PPP2R2B: variants seen among roughly 807,000 people sequenced by gnomAD.
PPP2R2B encodes serine/threonine-protein phosphatase 2A 55 kDa regulatory subunit B beta isoform.
PPP2R2B carries 5 observed loss-of-function variants against 46.0 expected under a neutral mutation model. That is an observed-to-expected ratio of 0.11 (90% CI 0.06 to 0.23). The LOEUF (loss-of-function observed/expected upper bound fraction) is 0.23, where lower values mean the gene tolerates loss of function less well. Ranked by LOEUF, PPP2R2B falls within the 10% of genes least tolerant of loss-of-function variation. The probability of loss-of-function intolerance (pLI) is 1.00; values close to 1 mark genes in which losing one functional copy is unlikely to be tolerated. For missense variants in PPP2R2B, 367 were observed against 575.0 expected, an observed-to-expected ratio of 0.64 and a Z score of 3.70; for synonymous variants, 215 against 206.7, an observed-to-expected ratio of 1.04 and a Z score of -0.34.
At chr5:146,903,755 A>G (rs1353715008) in intron 1 of PPP2R2B, among the ~76,000 whole-genome samples, 1 of 152,130 alleles carries the variant, frequency 6.6e-6, no homozygotes, top group African/African-American at 2.4e-5. Context: ...ATTGACCTGG[A>G]GTTCAAATCC....
At chr5:146,806,010 A>C (rs1397516376) in intron 2 of PPP2R2B, among the ~76,000 whole-genome samples, 3 of 152,220 alleles carry the variant, frequency 2.0e-5, no homozygotes, top group East Asian at 3.8e-4. Flanking sequence ...ATCAAGAAAA[A>C]GGCCAACTCT....
intron 1 of PPP2R2B, among the ~76,000 whole-genome samples, chr5:146,964,230 T>C (rs981342099): frequency 1.3e-5 from 2 of 152,212 alleles, no homozygotes; most frequent in African/African-American, 4.8e-5. Flanking sequence ...CCCAGTTGCA[T>C]TCCATTAAAC....
intron 1 of PPP2R2B, among the ~76,000 whole-genome samples, chr5:147,028,894 T>C (rs1386172147): frequency 1.3e-5 from 2 of 152,214 alleles, no homozygotes; most frequent in Admixed American, 1.3e-4. Context: ...TGGTATTCCA[T>C]TGTGGCTTTA....
intron 2 of PPP2R2B, among the ~76,000 whole-genome samples, chr5:147,074,535 G>T (rs759212835): frequency 6.6e-6 from 1 of 152,182 alleles, no homozygotes; most frequent in Non-Finnish European, 1.5e-5. Context: ...TCTATAAAAT[G>T]AGGTGAAGGC....
rs911777737 is a variant in PPP2R2B at position 147,012,004 on chromosome 5, A to T, written c.79+43661T>A. 6.1e-3 allele frequency among the ~76,000 whole-genome samples: 907 copies of T among 148,252 alleles called. 9 individuals are homozygous for T. The highest frequency in any genetic ancestry group is 0.021 in the African/African-American group (862 of 40,598). On this transcript the variant is annotated intron_variant, in intron 1 of 8. Coordinates refer to the PPP2R2B transcript ENST00000336640. ...CCAGTATTTTATTGAGGATTTTTGC[A>T]TCAATGTTCATCAAGGATAGTGGTC...
chr5:146,609,123 G>A (rs554702702), intron 7 of PPP2R2B, among the ~76,000 whole-genome samples: 74 of 152,212 alleles, frequency 4.9e-4, no homozygotes, highest in African/African-American at 1.6e-3. Flanking sequence ...TTCACCATAC[G>A]AAAATCAATG....
At chr5:146,949,718 T>C (rs1764593413) in intron 1 of PPP2R2B, among the ~76,000 whole-genome samples, 1 of 152,104 alleles carries the variant, frequency 6.6e-6, no homozygotes, top group Non-Finnish European at 1.5e-5. Context: ...GACTCCCATG[T>C]TTATTTCAGC....
In PPP2R2B at chr5:147,039,254, C is replaced by T. The variant is rs187768450; in HGVS notation, c.79+16411G>A. On this transcript the variant is annotated intron_variant, in intron 1 of 8. Coordinates refer to the PPP2R2B transcript ENST00000336640. ...ATGATTTACCCTGTTTTTATGTTCCCAGCCCTTATCACTATGTTAAAAGTT... is the reference window on the plus strand; with the variant it reads ...ATGATTTACCCTGTTTTTATGTTCCTAGCCCTTATCACTATGTTAAAAGTT... 2.7e-4 allele frequency among the ~76,000 whole-genome samples: 41 copies of T among 152,238 alleles called. 1 individual carries two copies. The East Asian group carries it at 2.9e-3, about 11-fold the overall frequency.
At chr5:146,985,332 A>G (rs1452820740) in intron 1 of PPP2R2B, among the ~76,000 whole-genome samples, 3 of 151,496 alleles carry the variant, frequency 2.0e-5, no homozygotes, top group Admixed American at 6.6e-5. Flanking sequence ...GTTTGCAAAT[A>G]TTTTCTTCTC....
intron 2 of PPP2R2B, among the ~76,000 whole-genome samples, chr5:146,727,678 A>T (rs7700632): frequency 0.33 from 49,709 of 151,798 alleles, 10,687 homozygotes; most frequent in African/African-American, 0.59. Context: ...AAGAAATTTT[A>T]AAAAAATTAT....
chr5:146,626,315 T>C (rs1774064201), intron 7 of PPP2R2B, among the ~76,000 whole-genome samples: 1 of 152,208 alleles, frequency 6.6e-6, no homozygotes, highest in African/African-American at 2.4e-5. Flanking sequence ...TATATAAAGA[T>C]TGTATGATAA....
Position 146,589,682 on chromosome 5 carries a change from A to T in PPP2R2B, c.*265T>A, listed in dbSNP as rs1770404557. ...CCAGAGAAAACTGGGCAATAAAAGC[A>T]TCAGAAGTTCAAGTCAACTATGGAA... On this transcript the variant is annotated 3_prime_UTR_variant, in exon 10 of 10. Transcript: ENST00000394411. 1 of 429,950 alleles carries T rather than the reference A, an allele frequency of 2.3e-6. No individual in the cohort carries two copies. The highest frequency in any genetic ancestry group is 2.0e-5 in the African/African-American group (1 of 50,450). 26.6% of individuals were successfully genotyped at this position (429,950 alleles called of 1,614,324 possible). A position where few individuals can be genotyped will look rare whatever the true frequency, so the allele number is the denominator to read the frequency against.
At chr5:146,674,254 T>C (rs1489478985) in intron 5 of PPP2R2B, among the ~76,000 whole-genome samples, 5 of 152,300 alleles carry the variant, frequency 3.3e-5, no homozygotes, top group African/African-American at 1.2e-4. Context: ...AAAACTGATA[T>C]GGTGAGAGCT....
At chr5:146,727,000 T>C (rs1171105168) in intron 2 of PPP2R2B, among the ~76,000 whole-genome samples, 1 of 152,204 alleles carries the variant, frequency 6.6e-6, no homozygotes, top group East Asian at 1.9e-4. Context: ...GGAGGATTAC[T>C]GAATGCTAGG....
intron 1 of PPP2R2B, among the ~76,000 whole-genome samples, chr5:147,044,218 T>G (rs545856682): frequency 2.6e-5 from 4 of 152,208 alleles, no homozygotes; most frequent in Non-Finnish European, 5.9e-5. Context: ...CTCAGGTTTC[T>G]TATTTAGTAG....
intron 1 of PPP2R2B, among the ~76,000 whole-genome samples, chr5:146,992,940 T>C (rs1292761684): frequency 6.6e-6 from 1 of 152,150 alleles, no homozygotes; most frequent in Admixed American, 6.5e-5. Context: ...AAAATCTTTT[T>C]TATTTTTATG....
At position 146,647,125 on chromosome 5, in the gene PPP2R2B, T is replaced by G. The variant is rs552445760; in HGVS notation, c.625+3422A>C. 7.3e-5 allele frequency among the ~76,000 whole-genome samples: 7 copies of G among 96,354 alleles called. No individual in the cohort carries two copies. In the East Asian group the frequency reaches 2.2e-3, roughly 30 times the overall value. 63.2% of individuals were successfully genotyped at this position (96,354 alleles called of 152,430 possible). On this transcript the variant is annotated intron_variant, in intron 6 of 9. Transcript: ENST00000394411. ...TCTCCAGATCCCTTGTCTCACTATT[T>G]ACTTAATGCTTTACATACACTTACT...
chr5:146,825,533 T>C (rs908925666), intron 2 of PPP2R2B, among the ~76,000 whole-genome samples: 4 of 152,246 alleles, frequency 2.6e-5, no homozygotes, highest in Non-Finnish European at 4.4e-5. Context: ...CATTTCTATT[T>C]GTATCATAAG....
At chr5:147,055,939 A>T (rs576575127) in exon 1 of PPP2R2B, 1 of 1,410,270 alleles carries the variant, frequency 7.1e-7, no homozygotes, top group South Asian at 1.6e-5. Flanking sequence ...ACTGCCTTAC[A>T]TTTCTGCATG....
Sources: gnomAD v4.1 joint callset for allele counts (sites outside exome capture counted in the v4.1 genomes callset) on GRCh38, gnomAD v4.1.1 for gene constraint, MANE v1.5 for transcripts, NCBI Gene and HGNC (gene_info 2026-07-23, HGNC 2026-07-21) for gene names.